CAPN8: variants seen among roughly 807,000 people sequenced by gnomAD.
The protein encoded by CAPN8 is calpain 8.
Under a neutral mutation model 80.9 loss-of-function variants are expected in CAPN8, and 87 were observed. The observed-to-expected ratio is 1.07, with a 90% CI of 0.90 to 1.28. CAPN8 has a LOEUF of 1.28. Ranked by LOEUF, CAPN8 falls within the 50% of genes most tolerant of loss-of-function variation. The pLI is 0.00. For synonymous variants in CAPN8, 299 were observed against 273.8 expected, an observed-to-expected ratio of 1.09 and a Z score of -0.91; for missense variants, 757 against 702.0, an observed-to-expected ratio of 1.08 and a Z score of -0.89.
chr1:223,611,536 C>G (rs978482865), intron 11 of CAPN8, among the ~76,000 whole-genome samples: 8 of 152,222 alleles, frequency 5.3e-5, no homozygotes, highest in Non-Finnish European at 1.2e-4. Context: ...CCCTGCTCTG[C>G]AAGGACCTCT....
chr1:223,633,204 A>T (rs1285062587), intron 2 of CAPN8, among the ~76,000 whole-genome samples: 2 of 152,172 alleles, frequency 1.3e-5, no homozygotes, highest in Non-Finnish European at 2.9e-5. Flanking sequence ...ATGACTACAG[A>T]GTGATTTGGT....
intron 2 of CAPN8, among the ~76,000 whole-genome samples, chr1:223,649,354 G>A (rs1658277691): frequency 6.6e-6 from 1 of 152,218 alleles, no homozygotes; most frequent in South Asian, 2.1e-4. Flanking sequence ...CTGAGCCTGT[G>A]AGAAACAGGC....
At chr1:223,632,718 C>T (rs1657807216) in intron 2 of CAPN8, among the ~76,000 whole-genome samples, 1 of 152,174 alleles carries the variant, frequency 6.6e-6, no homozygotes, top group Non-Finnish European at 1.5e-5. Context: ...CTTTGACATA[C>T]TAGTTAGGTG....
chr1:223,626,292 C>T (rs529381642), intron 5 of CAPN8, among the ~76,000 whole-genome samples: 33 of 152,296 alleles, frequency 2.2e-4, no homozygotes, highest in African/African-American at 7.7e-4. Context: ...CTCAGCACCC[C>T]CTCTCCCATG....
At chr1:223,634,753 G>T (rs920413351) in intron 2 of CAPN8, among the ~76,000 whole-genome samples, 3 of 152,188 alleles carry the variant, frequency 2.0e-5, no homozygotes, top group Admixed American at 6.5e-5. Context: ...TAATCCCATT[G>T]ATGAGGGCTT....
At chr1:223,628,438 G>A (rs567568575) in intron 3 of CAPN8, among the ~76,000 whole-genome samples, 1 of 152,320 alleles carries the variant, frequency 6.6e-6, no homozygotes, top group Non-Finnish European at 1.5e-5. Flanking sequence ...TTTCCTGAAG[G>A]CCACGTGGCC....
At chr1:223,653,132 A>G (rs1658385062) in intron 2 of CAPN8, among the ~76,000 whole-genome samples, 2 of 150,988 alleles carry the variant, frequency 1.3e-5, no homozygotes. Context: ...AAGGCACCAC[A>G]CTTACCCAGA....
chr1:223,549,416 C>T lies in CAPN8; in HGVS notation c.1700-34G>A, dbSNP rs1232284636. 24 of 1,551,262 alleles carry T rather than the reference C, an allele frequency of 1.5e-5. No homozygotes were observed. In the East Asian group the frequency reaches 4.4e-4, roughly 28 times the overall value. Reference sequence around the variant, plus strand: ...TTAAATAGAAAAGGGGAGTGGGAATCGGATCATTTGAAGGTGAGGGAAAGA... The same window carrying T: ...TTAAATAGAAAAGGGGAGTGGGAATTGGATCATTTGAAGGTGAGGGAAAGA... On this transcript the variant is annotated intron_variant, in intron 15 of 20. Coordinates refer to ENST00000366872, the MANE Select transcript of CAPN8 (RefSeq NM_001143962.2).
At chr1:223,555,599 T>C (rs1176147237) in intron 13 of CAPN8, among the ~76,000 whole-genome samples, 1 of 152,164 alleles carries the variant, frequency 6.6e-6, no homozygotes, top group Non-Finnish European at 1.5e-5. Flanking sequence ...ATCTTGGATG[T>C]CCATAAATTC....
intron 14 of CAPN8, among the ~76,000 whole-genome samples, chr1:223,552,534 T>C (rs374951004): frequency 8.2e-6 from 1 of 121,764 alleles, no homozygotes; most frequent in East Asian, 2.5e-4. Flanking sequence ...CACTCCAGCC[T>C]GGGTCACAGA....
At chr1:223,657,694 G>C (rs1658537083) in intron 1 of CAPN8, among the ~76,000 whole-genome samples, 1 of 152,140 alleles carries the variant, frequency 6.6e-6, no homozygotes, top group Admixed American at 6.5e-5. Context: ...TTGAACCCGG[G>C]AGCAGAGGTT....
Position 223,544,132 on chromosome 1 carries a change from C to T in CAPN8, c.1964G>A (p.Cys655Tyr). Residue 655 changes from cysteine (C) to tyrosine (Y), a missense_variant, in exon 19 of 21, where the codon TGC becomes TAC. Coordinates refer to ENST00000366872, the MANE Select transcript of CAPN8 (RefSeq NM_001143962.2). ...VQQTIALRYA[C>Y]SKLGINFDSF... ...GTCAAAGTTGATGCCAAGCTTGCTG[C>T]ACGCATACCGCAGGGCAATGGTCTG... 1.4e-6 allele frequency: 1 copy of T among 718,358 alleles called. No homozygotes were observed. The highest frequency in any genetic ancestry group is 2.6e-6 in the Non-Finnish European group (1 of 385,104). The allele number at this position is 718,358 out of a possible 1,614,324, so 44.5% of individuals were successfully genotyped here.
intron 2 of CAPN8, among the ~76,000 whole-genome samples, chr1:223,648,749 G>A (rs541052354): frequency 6.6e-6 from 1 of 152,112 alleles, no homozygotes; most frequent in African/African-American, 2.4e-5. Context: ...CTCAATAAAT[G>A]CAACAAAAAT....
intron 1 of CAPN8, among the ~76,000 whole-genome samples, chr1:223,655,142 C>T (rs986661433): frequency 1.6e-4 from 25 of 152,260 alleles, no homozygotes; most frequent in African/African-American, 6.0e-4. Flanking sequence ...CCCCTATTTA[C>T]ATAAAGAGAT....
chr1:223,552,486 C>A (rs370311028), intron 14 of CAPN8, among the ~76,000 whole-genome samples: 1 of 150,554 alleles, frequency 6.6e-6, no homozygotes, highest in Non-Finnish European at 1.5e-5. Flanking sequence ...ATCGCTTGAA[C>A]CCGGGAAGCA....
At chr1:223,541,888 T>G (rs1011184678) in intron 20 of CAPN8, 29 bp from the exon 21 acceptor site, 1 of 1,545,158 alleles carries the variant, frequency 6.5e-7, no homozygotes, top group Admixed American at 2.0e-5. Flanking sequence ...AGATTGAGTC[T>G]TGGCTTCTCA....
intron 14 of CAPN8, among the ~76,000 whole-genome samples, chr1:223,553,239 C>G (rs1656836998): frequency 6.6e-6 from 1 of 152,182 alleles, no homozygotes; most frequent in South Asian, 2.1e-4. Context: ...GGGCTGCTAC[C>G]AAAGTGAACG....
chr1:223,633,063 C>T (rs924091005), intron 2 of CAPN8, among the ~76,000 whole-genome samples: 3 of 152,218 alleles, frequency 2.0e-5, no homozygotes, highest in African/African-American at 7.2e-5. Flanking sequence ...GTGAGTCTAG[C>T]TCTCCAAGGG....
intron 13 of CAPN8, among the ~76,000 whole-genome samples, chr1:223,556,510 C>T (rs1656908887): frequency 6.6e-6 from 1 of 152,160 alleles, no homozygotes; most frequent in Non-Finnish European, 1.5e-5. Context: ...AGATTCTAGG[C>T]CCCATGCTGA....
Sources: allele counts gnomAD v4.1 joint callset (sites outside exome capture counted in the v4.1 genomes callset), GRCh38; gene constraint gnomAD v4.1.1; transcripts MANE v1.5; gene names NCBI Gene and HGNC (gene_info 2026-07-23, HGNC 2026-07-21).